The following CEP57 variants were observed in gnomAD, a reference collection of about 807,000 sequenced individuals.
CEP57 encodes centrosomal protein 57, also known as centrosomal protein of 57 kDa.
CEP57 carries 40 observed loss-of-function variants against 68.0 expected under a neutral mutation model. That is an observed-to-expected ratio of 0.59 (90% confidence interval 0.46 to 0.77). The LOEUF is 0.77. Ranked by LOEUF, CEP57 falls within the 30% of genes least tolerant of loss-of-function variation. The pLI, the probability that CEP57 is intolerant of heterozygous loss-of-function variation, is 0.00. For missense variants in CEP57, 606 were observed against 580.7 expected (o/e 1.04, Z -0.45); for synonymous variants, 219 against 198.7 (o/e 1.10, Z -0.86).
In CEP57 at chr11:95,831,764, T is replaced by C. The variant is rs1863017056; in HGVS notation, c.*508T>C. 6.6e-6 allele frequency: 1 copy of C among 152,214 alleles called. No individual in the cohort carries two copies. Among genetic ancestry groups the C allele is most frequent in the African/African-American group, 2.4e-5 (1 of 41,438 alleles). 9.4% of individuals were successfully genotyped at this position (152,214 alleles called of 1,614,324 possible). On this transcript the variant is annotated 3_prime_UTR_variant, in exon 11 of 11. Transcript: ENST00000325542. ...GTTTTTCTATATTTAAAAATACATA[T>C]ATATTTCAGAGGATTTTTATTTTGC...
chr11:95,814,875 A>C (rs531108314), intron 4 of CEP57, among the ~76,000 whole-genome samples: 12 of 152,320 alleles, frequency 7.9e-5, no homozygotes, highest in African/African-American at 2.9e-4. Flanking sequence ...TGTGGATAGT[A>C]AAATCCATGG....
intron 6 of CEP57, among the ~76,000 whole-genome samples, chr11:95,820,579 C>CAAAAAAAAAAAAAAA (rs56260498): frequency 1.2e-5 from 1 of 82,438 alleles, no homozygotes; most frequent in Non-Finnish European, 2.3e-5. Flanking sequence ...GCAACAAGAG[C>CAAAAAAAAAAAAAAA]AAAAAAAAAA....
intron 8 of CEP57, chr11:95,823,139 G>T (rs1051572366): frequency 1.2e-4 from 18 of 152,508 alleles, no homozygotes; most frequent in Admixed American, 1.1e-3. Context: ...TGTTTGTGTT[G>T]CTGGTGGTTT....
chr11:95,798,583 C>T (rs999245091), intron 1 of CEP57, among the ~76,000 whole-genome samples: 5 of 152,136 alleles, frequency 3.3e-5, no homozygotes, highest in Non-Finnish European at 5.9e-5. Context: ...AGTAGGAAGT[C>T]GCCTACAACA....
rs904369841 is a variant in CEP57, at chr11:95,828,505, A to G, written c.1127+478A>G. Among the ~76,000 whole-genome samples the G allele has an allele frequency of 8.5e-5, 13 of 152,338 alleles. No homozygotes were observed. The East Asian group carries it at 2.3e-3, about 27-fold the overall frequency. On this transcript the variant is annotated intron_variant, in intron 9 of 10. Transcript: ENST00000325542. The stretch of plus-strand genomic sequence containing the variant: ...CATCTAGGTAGAGTAAAAATATGAT[A>G]CTAAAGTCTTACGGGACCACTGTTG...
At chr11:95,807,451 A>G (rs1413310946) in intron 2 of CEP57, among the ~76,000 whole-genome samples, 1 of 152,206 alleles carries the variant, frequency 6.6e-6, no homozygotes, top group Non-Finnish European at 1.5e-5. Context: ...AACCCATTGC[A>G]AAGAAGCTAA....
intron 1 of CEP57, chr11:95,794,370 C>G (rs768714667): frequency 2.2e-6 from 1 of 454,838 alleles, no homozygotes; most frequent in Non-Finnish European, 4.4e-6. Flanking sequence ...GTATGTGCGT[C>G]TTCAGCTTTA....
rs540977901 is a variant in CEP57 at position 95,790,666 on chromosome 11, C to A, written c.-33C>A. On this transcript the variant is annotated 5_prime_UTR_variant, in exon 1 of 11. Transcript: ENST00000325542. ...AGAGCACGAGAACCTAGACCGCCCC[C>A]GAAGTGCGGAGACCCCCTGGGCAGG... 1.3e-4 allele frequency: 211 copies of A among 1,611,756 alleles called. 1 individual carries two copies. Among genetic ancestry groups the A allele is most frequent in the Middle Eastern group, 6.6e-4 (4 of 6,050 alleles).
chr11:95,812,540 T>G (rs1035861135), intron 2 of CEP57, among the ~76,000 whole-genome samples: 14 of 152,032 alleles, frequency 9.2e-5, no homozygotes, highest in Admixed American at 9.2e-4. Context: ...CCACCCGGGT[T>G]CAAGCGATTC....
chr11:95,829,117 A>G, intron 9 of CEP57, 70 bp from the exon 10 acceptor site: 2 of 1,503,184 alleles, frequency 1.3e-6, no homozygotes, highest in Non-Finnish European at 1.8e-6. Context: ...GTAACCCATA[A>G]TGAGGTATAA....
intron 6 of CEP57, among the ~76,000 whole-genome samples, chr11:95,821,115 G>T (rs1400860595): frequency 6.6e-6 from 1 of 152,146 alleles, no homozygotes; most frequent in Non-Finnish European, 1.5e-5. Context: ...ACAGGCACCT[G>T]GCAGTCCAAA....
chr11:95,802,650 A>G (rs1555046570), intron 2 of CEP57, among the ~76,000 whole-genome samples: 1 of 152,202 alleles, frequency 6.6e-6, no homozygotes, highest in Non-Finnish European at 1.5e-5. Flanking sequence ...CTAAAATAGT[A>G]GTTTAGTGTT....
intron 8 of CEP57, chr11:95,827,340 TGA>T (rs929075794): frequency 1.7e-5 from 3 of 180,030 alleles, no homozygotes; most frequent in African/African-American, 4.8e-5. Flanking sequence ...ATAAATGCTA[TGA>T]GAGAGATGTA....
chr11:95,794,729 A>T (rs964082793), intron 1 of CEP57, among the ~76,000 whole-genome samples: 3 of 152,182 alleles, frequency 2.0e-5, no homozygotes, highest in Non-Finnish European at 4.4e-5. Flanking sequence ...TTTTATAATT[A>T]GTGATTTCTG....
intron 1 of CEP57, among the ~76,000 whole-genome samples, chr11:95,793,688 C>T (rs896783117): frequency 6.6e-6 from 1 of 152,196 alleles, no homozygotes; most frequent in Non-Finnish European, 1.5e-5. Context: ...TTAATCCTCA[C>T]AATAACCTTC....
At chr11:95,802,019 C>A (rs1861600496) in intron 2 of CEP57, among the ~76,000 whole-genome samples, 1 of 152,046 alleles carries the variant, frequency 6.6e-6, no homozygotes, top group Non-Finnish European at 1.5e-5. Flanking sequence ...ATCACTATCC[C>A]CTTCTCACCC....
At position 95,828,108 on chromosome 11, in the gene CEP57, T is replaced by C; in HGVS notation, c.1127+81T>C. The C allele has an allele frequency of 3.4e-6, 5 of 1,491,162 alleles. 1 individual carries two copies. In the South Asian group the frequency reaches 6.3e-5, roughly 19 times the overall value. 92.4% of individuals were successfully genotyped at this position (1,491,162 alleles called of 1,614,324 possible). A position where few individuals can be genotyped will look rare whatever the true frequency, so the allele number is the denominator to read the frequency against. On this transcript the variant is annotated intron_variant, in intron 9 of 10. Transcript: ENST00000325542. ...AAAACTTGTTGACTTTATTAAATCT[T>C]ACTTTCCTTTGTTGAGCAAGTATGG...
Position 95,799,434 on chromosome 11 carries a change from C to T in CEP57, c.202+46C>T. ...AAATGTTATTTGTGTTTTCTTGCTG[C>T]TTTAAAATTCTTAACTTTGTCCTCC... On this transcript the variant is annotated intron_variant, in intron 2 of 10. Transcript: ENST00000325542. The T allele has an allele frequency of 1.2e-6, 2 of 1,606,796 alleles. 1 individual carries two copies.
intron 1 of CEP57, among the ~76,000 whole-genome samples, chr11:95,797,189 C>T (rs560036648): frequency 4.1e-5 from 5 of 122,884 alleles, no homozygotes; most frequent in East Asian, 2.9e-4. Flanking sequence ...CACACACAGA[C>T]GGAGTCTCAC....
Sources: gnomAD v4.1 joint callset for allele counts (sites outside exome capture counted in the v4.1 genomes callset) on GRCh38, gnomAD v4.1.1 for gene constraint, MANE v1.5 for transcripts, NCBI Gene and HGNC (gene_info 2026-07-23, HGNC 2026-07-21) for gene names.